SORCS1: variants seen among roughly 807,000 people sequenced by gnomAD.
SORCS1 encodes the protein VPS10 domain-containing receptor SorCS1.
A neutral mutation model predicts 146.1 loss-of-function variants in SORCS1; 60 were observed. The ratio of observed to expected loss-of-function variants is 0.41; its 90% CI spans 0.33 to 0.51. SORCS1 has a LOEUF of 0.51. Ranked by LOEUF, SORCS1 falls within the 20% of genes least tolerant of loss-of-function variation. The pLI, the probability that SORCS1 is intolerant of heterozygous loss-of-function variation, is 0.21. For missense variants in SORCS1, 1,352 were observed against 1,487.6 expected, an observed-to-expected ratio of 0.91 and a Z score of 1.50; for synonymous variants, 637 against 584.0, an observed-to-expected ratio of 1.09 and a Z score of -1.31.
intron 1 of SORCS1, among the ~76,000 whole-genome samples, chr10:107,022,708 C>T (rs1461500711): frequency 6.6e-6 from 1 of 152,166 alleles, no homozygotes; most frequent in Non-Finnish European, 1.5e-5. Context: ...TTCATTTTGC[C>T]TGTGGGTTAA....
chr10:106,713,699 G>T (rs73380332), intron 6 of SORCS1, among the ~76,000 whole-genome samples: 5,690 of 152,228 alleles, frequency 0.037, 316 homozygotes, highest in African/African-American at 0.12. Flanking sequence ...AAATAGTGAT[G>T]TGTAGAAACG....
chr10:106,579,840 G>A (rs559075511), intron 24 of SORCS1, among the ~76,000 whole-genome samples: 7 of 152,206 alleles, frequency 4.6e-5, no homozygotes, highest in African/African-American at 1.4e-4. Context: ...AGGATTAAGT[G>A]AGCTAATGTA....
chr10:106,722,114 T>C (rs1855820666), intron 6 of SORCS1, among the ~76,000 whole-genome samples: 1 of 56,326 alleles, frequency 1.8e-5, no homozygotes. Context: ...ATAGCAAATA[T>C]ATAAATACAC....
At chr10:107,056,224 C>T (rs1960619228) in intron 1 of SORCS1, among the ~76,000 whole-genome samples, 1 of 152,132 alleles carries the variant, frequency 6.6e-6, no homozygotes, top group South Asian at 2.1e-4. Flanking sequence ...AAGCAATGTA[C>T]TTTTATGGTT....
intron 1 of SORCS1, among the ~76,000 whole-genome samples, chr10:107,142,220 AT>A (rs1280197322): frequency 6.6e-6 from 1 of 152,262 alleles, no homozygotes; most frequent in East Asian, 1.9e-4. Context: ...GGAGGAAATG[AT>A]ATTAAAATGT....
chr10:107,063,825 T>A (rs1564989816), intron 1 of SORCS1, among the ~76,000 whole-genome samples: 2 of 152,188 alleles, frequency 1.3e-5, no homozygotes, highest in African/African-American at 2.4e-5. Flanking sequence ...TGCAACTTCT[T>A]CCTCATTCCC....
intron 1 of SORCS1, among the ~76,000 whole-genome samples, chr10:107,091,339 C>T (rs986285555): frequency 6.6e-6 from 1 of 152,202 alleles, no homozygotes; most frequent in African/African-American, 2.4e-5. Flanking sequence ...TGCTGCTGTC[C>T]TCTCTCCCTT....
At chr10:106,951,370 C>A (rs1954672330) in intron 2 of SORCS1, among the ~76,000 whole-genome samples, 1 of 151,996 alleles carries the variant, frequency 6.6e-6, no homozygotes. Context: ...ATTAGCCAGG[C>A]ATGGTGGCGG....
At chr10:106,925,079 C>A (rs984191514) in intron 2 of SORCS1, among the ~76,000 whole-genome samples, 1 of 152,090 alleles carries the variant, frequency 6.6e-6, no homozygotes, top group African/African-American at 2.4e-5. Flanking sequence ...ACTTAAAAAT[C>A]ATTTTGTAAT....
chr10:106,841,036 A>G (rs541184857), intron 2 of SORCS1, among the ~76,000 whole-genome samples: 2 of 151,600 alleles, frequency 1.3e-5, no homozygotes, highest in African/African-American at 4.8e-5. Flanking sequence ...TTTGCATTTT[A>G]ATAGAGACGG....
chr10:106,579,009 T>G lies in SORCS1; in HGVS notation c.3371+360A>C, dbSNP rs897639839. ...GTGTTAGAGCAAAAGAAAGTGGTTATGTCAAGCCAGAAAGGGGTTAGAGAG... is the reference window on the plus strand; with the variant it reads ...GTGTTAGAGCAAAAGAAAGTGGTTAGGTCAAGCCAGAAAGGGGTTAGAGAG... On this transcript the variant is annotated intron_variant, in intron 25 of 25. Coordinates refer to ENST00000263054, the MANE Select transcript of SORCS1 (RefSeq NM_052918.5). 7 of 1,544,564 alleles carry G rather than the reference T, an allele frequency of 4.5e-6. No homozygotes were observed. The African/African-American group carries it at 8.2e-5, about 18-fold the overall frequency.
At chr10:106,629,105 A>C (rs1378519815) in intron 19 of SORCS1, 97 bp downstream of exon 19, 3 of 1,065,566 alleles carry the variant, frequency 2.8e-6, no homozygotes, top group Non-Finnish European at 4.1e-6. Flanking sequence ...GCTAAAAGAT[A>C]ACTAGTGTAC....
chr10:106,657,254 C>T (rs965583735), intron 17 of SORCS1, among the ~76,000 whole-genome samples: 44 of 152,086 alleles, frequency 2.9e-4, no homozygotes, highest in Non-Finnish European at 5.1e-4. Context: ...TGTACATACA[C>T]CATGGAATAC....
At chr10:106,682,177 AC>A (rs1167420909) in intron 10 of SORCS1, among the ~76,000 whole-genome samples, 1 of 152,082 alleles carries the variant, frequency 6.6e-6, no homozygotes, top group Non-Finnish European at 1.5e-5. Context: ...AACAAACAAA[AC>A]AAAAAACAAG....
chr10:107,026,632 T>C (rs1359982668), intron 1 of SORCS1, among the ~76,000 whole-genome samples: 1 of 147,778 alleles, frequency 6.8e-6, no homozygotes, highest in African/African-American at 2.5e-5. Context: ...AAAAAAAAAG[T>C]TTTTTGGTTT....
intron 11 of SORCS1, 38 bp from the exon 12 acceptor site, chr10:106,679,370 C>T: frequency 6.6e-7 from 1 of 1,524,270 alleles, no homozygotes; most frequent in Non-Finnish European, 9.1e-7. Context: ...AAAGAACTTT[C>T]TGCAAAAGCA....
rs372120317 is a variant in SORCS1 at position 106,874,333 on chromosome 10, T to C, written c.627-44660A>G. Among the ~76,000 whole-genome samples, 13 of 152,202 alleles carry C rather than the reference T, an allele frequency of 8.5e-5. No homozygotes were observed. The East Asian group carries it at 1.5e-3, about 18-fold the overall frequency. ...AATGATCTAGTCCATTAAAGTGGCA[T>C]AATTATATGCAGAAAACAAATTATT... On this transcript the variant is annotated intron_variant, in intron 2 of 25. Transcript: ENST00000263054.
At chr10:107,025,421 T>C (rs924163393) in intron 1 of SORCS1, among the ~76,000 whole-genome samples, 2 of 152,198 alleles carry the variant, frequency 1.3e-5, no homozygotes, top group Non-Finnish European at 2.9e-5. Flanking sequence ...GCCTCTCTTT[T>C]GAATCAGGTG....
chr10:107,130,662 C>T (rs1002533989), intron 1 of SORCS1, among the ~76,000 whole-genome samples: 9 of 151,978 alleles, frequency 5.9e-5, no homozygotes, highest in African/African-American at 2.2e-4. Flanking sequence ...CCCACTTTGG[C>T]CCTTATCCTA....
Sources: allele counts gnomAD v4.1 joint callset (sites outside exome capture counted in the v4.1 genomes callset), GRCh38; gene constraint gnomAD v4.1.1; transcripts MANE v1.5; gene names NCBI Gene and HGNC (gene_info 2026-07-23, HGNC 2026-07-21).